KCNH7: variants seen among roughly 807,000 people sequenced by gnomAD.
The protein encoded by KCNH7 is potassium voltage-gated channel subfamily H member 7.
Under a neutral mutation model 120.8 loss-of-function variants are expected in KCNH7, and 49 were observed. That is an observed-to-expected ratio of 0.41 (90% CI 0.32 to 0.51). KCNH7 has a LOEUF of 0.51. KCNH7 is among the 20% of genes least tolerant of loss of function. The pLI is 0.38. For synonymous variants in KCNH7, 547 were observed against 516.1 expected, an observed-to-expected ratio of 1.06 and a Z score of -0.81; for missense variants, 1,097 against 1,446.6, an observed-to-expected ratio of 0.76 and a Z score of 3.92.
At chr2:162,750,384 G>A (rs1461129948) in intron 2 of KCNH7, among the ~76,000 whole-genome samples, 1 of 151,932 alleles carries the variant, frequency 6.6e-6, no homozygotes, top group African/African-American at 2.4e-5. Context: ...AGCATATACT[G>A]TATAGTAAAA....
chr2:162,611,869 G>A (rs1162656367), intron 2 of KCNH7, among the ~76,000 whole-genome samples: 1 of 152,140 alleles, frequency 6.6e-6, no homozygotes, highest in African/African-American at 2.4e-5. Flanking sequence ...TTTAGGGTGG[G>A]ATAGTCAAGG....
intron 6 of KCNH7, among the ~76,000 whole-genome samples, chr2:162,462,032 T>C (rs1689162338): frequency 6.6e-6 from 1 of 152,144 alleles, no homozygotes. Context: ...AGAAATGATG[T>C]ACGTGGCAAA....
chr2:162,814,372 C>A (rs762692451), intron 2 of KCNH7, among the ~76,000 whole-genome samples: 1 of 152,066 alleles, frequency 6.6e-6, no homozygotes, highest in Non-Finnish European at 1.5e-5. Context: ...GATGGAAATG[C>A]CATTATTGTT....
intron 8 of KCNH7, among the ~76,000 whole-genome samples, chr2:162,433,276 C>A (rs73018960): frequency 1.7e-3 from 258 of 152,022 alleles, no homozygotes; most frequent in African/African-American, 5.9e-3. Context: ...TTAGAAAAAA[C>A]GATTATGAAA....
At chr2:162,544,229 C>T (rs927956764) in intron 2 of KCNH7, among the ~76,000 whole-genome samples, 1 of 152,120 alleles carries the variant, frequency 6.6e-6, no homozygotes, top group Non-Finnish European at 1.5e-5. Context: ...TATGACAGAA[C>T]TTAGCTTCTT....
At chr2:162,583,629 A>C (rs1025663942) in intron 2 of KCNH7, among the ~76,000 whole-genome samples, 37 of 152,268 alleles carry the variant, frequency 2.4e-4, no homozygotes, top group East Asian at 3.9e-4. Flanking sequence ...GTGAAAAGAC[A>C]AAATTCAGAA....
At chr2:162,647,950 A>T (rs1367600365) in intron 2 of KCNH7, among the ~76,000 whole-genome samples, 2 of 152,220 alleles carry the variant, frequency 1.3e-5, no homozygotes, top group East Asian at 3.8e-4. Flanking sequence ...ATGTTCATAA[A>T]GATAAGTAAA....
intron 2 of KCNH7, chr2:162,798,004 A>T (rs1684204517): frequency 6.6e-6 from 1 of 152,128 alleles, no homozygotes; most frequent in African/African-American, 2.4e-5. Context: ...AAATTAAGAA[A>T]AATGTGGACA....
Position 162,836,672 on chromosome 2 carries a change from C to A in KCNH7, c.172G>T (p.Asp58Tyr). ...CAGGTGCATGGCTTTTGCATGACAT[C>A]TGGCCTGGAGAAACCAGTCATCTCA... ...FCEMTGFSRP[D>Y]VMQKPCTCDF... Residue 58 changes from aspartate (D) to tyrosine (Y), a missense_variant, in exon 2 of 16, where the codon GAT becomes TAT. By Grantham distance (160) the Asp-to-Tyr change is radical. Coordinates refer to ENST00000332142, the MANE Select transcript of KCNH7 (RefSeq NM_033272.4). 1 of 1,614,140 alleles carries A rather than the reference C, an allele frequency of 6.2e-7. No individual in the cohort carries two copies. Among genetic ancestry groups the A allele is most frequent in the Non-Finnish European group, 8.5e-7 (1 of 1,180,010 alleles).
At chr2:162,596,782 A>T (rs937452962) in intron 2 of KCNH7, among the ~76,000 whole-genome samples, 3 of 152,082 alleles carry the variant, frequency 2.0e-5, no homozygotes, top group Admixed American at 6.6e-5. Flanking sequence ...ATGGAATGGG[A>T]GAAAATATTT....
At chr2:162,768,529 G>A (rs1682913640) in intron 2 of KCNH7, among the ~76,000 whole-genome samples, 1 of 152,080 alleles carries the variant, frequency 6.6e-6, no homozygotes, top group African/African-American at 2.4e-5. Flanking sequence ...TCATGAACAT[G>A]GATATAGGAT....
At chr2:162,512,762 C>T in intron 4 of KCNH7, 88 bp from the exon 5 acceptor site, 1 of 1,002,244 alleles carries the variant, frequency 1.0e-6, no homozygotes. Context: ...TGTATAAAAA[C>T]AATCAGAGAA....
At chr2:162,831,007 C>G (rs1432349118) in intron 2 of KCNH7, among the ~76,000 whole-genome samples, 1 of 152,118 alleles carries the variant, frequency 6.6e-6, no homozygotes, top group Non-Finnish European at 1.5e-5. Context: ...AATTCTGAAG[C>G]CAGCCAGTAT....
chr2:162,607,403 A>G (rs556780766), intron 2 of KCNH7, among the ~76,000 whole-genome samples: 82 of 151,814 alleles, frequency 5.4e-4, no homozygotes, highest in African/African-American at 2.0e-3. Context: ...AAAAAAAAAG[A>G]AAGTCTAGAA....
intron 2 of KCNH7, chr2:162,784,554 G>A (rs1683629247): frequency 6.6e-6 from 1 of 152,128 alleles, no homozygotes; most frequent in Non-Finnish European, 1.5e-5. Context: ...CGTGTTAAGT[G>A]GTTTTATGTT....
At chr2:162,701,358 G>A (rs1169011100) in intron 2 of KCNH7, among the ~76,000 whole-genome samples, 4 of 151,902 alleles carry the variant, frequency 2.6e-5, no homozygotes, top group Admixed American at 2.6e-4. Flanking sequence ...ATGTATATAT[G>A]TATAAATATA....
At chr2:162,829,477 C>T (rs1463314425) in intron 2 of KCNH7, among the ~76,000 whole-genome samples, 1 of 151,920 alleles carries the variant, frequency 6.6e-6, no homozygotes, top group African/African-American at 2.4e-5. Context: ...TTGTGCCAAC[C>T]ACAGCAATGA....
chr2:162,391,812 T>C (rs1034099417), intron 12 of KCNH7, among the ~76,000 whole-genome samples: 1 of 152,084 alleles, frequency 6.6e-6, no homozygotes, highest in African/African-American at 2.4e-5. Flanking sequence ...TGTTAACCTG[T>C]TGTTCATTTC....
chr2:162,426,676 A>G (rs1476656519), intron 8 of KCNH7, among the ~76,000 whole-genome samples: 1 of 152,208 alleles, frequency 6.6e-6, no homozygotes, highest in East Asian at 1.9e-4. Context: ...CTGCATTTCT[A>G]CTACATAAAT....
Sources: gnomAD v4.1 joint callset for allele counts (sites outside exome capture counted in the v4.1 genomes callset) on GRCh38, gnomAD v4.1.1 for gene constraint, MANE v1.5 for transcripts, NCBI Gene and HGNC (gene_info 2026-07-23, HGNC 2026-07-21) for gene names.